NSMCE2: variants seen among roughly 807,000 people sequenced by gnomAD.
The protein encoded by NSMCE2 is E3 SUMO-protein ligase NSE2.
A neutral mutation model predicts 23.8 loss-of-function variants in NSMCE2; 24 were observed. The ratio of observed to expected loss-of-function variants is 1.01; its 90% CI spans 0.73 to 1.42. NSMCE2 has a LOEUF of 1.42. NSMCE2 is among the 40% of genes most tolerant of loss of function. The pLI is 0.00. For missense variants in NSMCE2, 284 were observed against 296.5 expected (o/e 0.96, Z 0.31); for synonymous variants, 92 against 94.1 (o/e 0.98, Z 0.13).
rs539364875 is a variant in NSMCE2 at position 125,314,685 on chromosome 8, G to A, written c.419-42534G>A. On this transcript the variant is annotated intron_variant, in intron 5 of 7. Transcript: ENST00000287437. ...AATATTTTTTCACACCTCTGGAAGT[G>A]GAGCTGTGATCCTGCCAGTAGCTTT... Among the ~76,000 whole-genome samples the A allele has an allele frequency of 1.4e-3, 220 of 152,370 alleles. 1 individual carries two copies. Among genetic ancestry groups the A allele is most frequent in the African/African-American group, 5.1e-3 (210 of 41,580 alleles).
At chr8:125,247,785 A>G (rs1282892289) in intron 5 of NSMCE2, among the ~76,000 whole-genome samples, 1 of 152,192 alleles carries the variant, frequency 6.6e-6, no homozygotes, top group Non-Finnish European at 1.5e-5. Context: ...AGAAAAATCC[A>G]TAAAATGGTA....
intron 5 of NSMCE2, among the ~76,000 whole-genome samples, chr8:125,328,245 A>T (rs1206858290): frequency 6.6e-6 from 1 of 151,454 alleles, no homozygotes; most frequent in Non-Finnish European, 1.5e-5. Context: ...AACTTGATGT[A>T]TGAATCTTCA....
intron 4 of NSMCE2, among the ~76,000 whole-genome samples, chr8:125,163,029 T>G (rs943982740): frequency 6.6e-6 from 1 of 152,138 alleles, no homozygotes. Flanking sequence ...ATACTTAAAG[T>G]TGAATATCTG....
At chr8:125,093,882 G>A (rs902633696) in intron 1 of NSMCE2, among the ~76,000 whole-genome samples, 20 of 152,000 alleles carry the variant, frequency 1.3e-4, no homozygotes, top group Non-Finnish European at 2.9e-4. Context: ...CTGCAGCCTT[G>A]GACTCCTGGA....
chr8:125,350,072 C>T (rs1264868736), intron 5 of NSMCE2, among the ~76,000 whole-genome samples: 1 of 152,196 alleles, frequency 6.6e-6, no homozygotes, highest in Non-Finnish European at 1.5e-5. Context: ...TGAACACCTA[C>T]TACCCTATGC....
chr8:125,224,178 T>C (rs1217631611), intron 5 of NSMCE2, among the ~76,000 whole-genome samples: 8 of 152,186 alleles, frequency 5.3e-5, no homozygotes, highest in African/African-American at 1.9e-4. Flanking sequence ...TCTTGCTATT[T>C]AGTTGTTTGA....
At chr8:125,333,505 CTTTTTTT>C (rs71295847) in intron 5 of NSMCE2, among the ~76,000 whole-genome samples, 1 of 45,628 alleles carries the variant, frequency 2.2e-5, no homozygotes, top group African/African-American at 9.4e-5. Flanking sequence ...CCTGGTGGTT[CTTTTTTT>C]TTTTTTTTTT....
At chr8:125,210,795 A>C (rs1239386531) in intron 5 of NSMCE2, among the ~76,000 whole-genome samples, 1 of 152,016 alleles carries the variant, frequency 6.6e-6, no homozygotes, top group Non-Finnish European at 1.5e-5. Context: ...CTCACTGCTC[A>C]CTGCAACCTC....
intron 5 of NSMCE2, among the ~76,000 whole-genome samples, chr8:125,247,560 A>T (rs902776114): frequency 6.6e-6 from 1 of 152,130 alleles, no homozygotes; most frequent in Non-Finnish European, 1.5e-5. Context: ...CCCCGTCTCC[A>T]CTGAAAATAT....
At chr8:125,258,937 T>C (rs1482492644) in intron 5 of NSMCE2, among the ~76,000 whole-genome samples, 2 of 152,120 alleles carry the variant, frequency 1.3e-5, no homozygotes, top group Non-Finnish European at 1.5e-5. Context: ...AGTTTTGCTC[T>C]TGTTGCCCAG....
intron 4 of NSMCE2, among the ~76,000 whole-genome samples, chr8:125,178,049 G>A (rs945920917): frequency 6.6e-6 from 1 of 152,182 alleles, no homozygotes; most frequent in African/African-American, 2.4e-5. Flanking sequence ...CAGCATCCCA[G>A]TTGCCAGCCC....
intron 3 of NSMCE2, among the ~76,000 whole-genome samples, chr8:125,139,393 A>C (rs1319605497): frequency 6.6e-6 from 1 of 152,172 alleles, no homozygotes; most frequent in East Asian, 1.9e-4. Flanking sequence ...TTAATATAGT[A>C]TGTGTTGTCT....
Position 125,217,351 on chromosome 8 carries a change from ATTT to A in NSMCE2, c.418+35096_418+35098del, listed in dbSNP as rs1008388270. Among the ~76,000 whole-genome samples, 26 of 150,000 alleles carry A rather than the reference ATTT, an allele frequency of 1.7e-4. 1 individual carries two copies. The South Asian group carries it at 5.0e-3, about 29-fold the overall frequency. ...TTTAAAAAATTTTATTTATTTATTT[ATTT>A]ATTTATTTTTTATTTATTTATTTTG... On this transcript the variant is annotated intron_variant, in intron 5 of 7. Transcript: ENST00000287437.
chr8:125,223,328 A>G (rs377005100), intron 5 of NSMCE2, among the ~76,000 whole-genome samples: 88 of 152,342 alleles, frequency 5.8e-4, no homozygotes, highest in African/African-American at 2.0e-3. Context: ...ACTGCACTCC[A>G]GCCTGGGCAA....
intron 5 of NSMCE2, among the ~76,000 whole-genome samples, chr8:125,299,763 T>C (rs1828476742): frequency 1.3e-5 from 2 of 151,900 alleles, no homozygotes; most frequent in Admixed American, 1.3e-4. Context: ...TGCCATGTAG[T>C]TTGAAGACTA....
intron 5 of NSMCE2, among the ~76,000 whole-genome samples, chr8:125,252,853 G>A (rs1206903100): frequency 2.0e-5 from 3 of 152,356 alleles, no homozygotes; most frequent in African/African-American, 7.2e-5. Flanking sequence ...AGTTAAGAGC[G>A]CAAGCTCCGG....
At chr8:125,250,939 T>C (rs1318308890) in intron 5 of NSMCE2, among the ~76,000 whole-genome samples, 1 of 152,248 alleles carries the variant, frequency 6.6e-6, no homozygotes, top group African/African-American at 2.4e-5. Context: ...ACTAAATCTT[T>C]ACTAGGTGAC....
chr8:125,172,013 ACT>A lies in NSMCE2; in HGVS notation c.265-10087_265-10086del, dbSNP rs1451769252. ...ACCATGTTGGCTACTGTATTTTAAA[ACT>A]CTAAATTCTTTACCTACATTAATTC... is the stretch of plus-strand genomic sequence containing the variant. On this transcript the variant is annotated intron_variant, in intron 4 of 7. Transcript: ENST00000287437. 2.6e-5 allele frequency among the ~76,000 whole-genome samples: 4 copies of A among 151,980 alleles called. No individual in the cohort carries two copies. In the South Asian group the frequency reaches 6.2e-4, roughly 24 times the overall value.
intron 4 of NSMCE2, among the ~76,000 whole-genome samples, chr8:125,165,553 A>G (rs1821834881): frequency 1.3e-5 from 2 of 152,222 alleles, no homozygotes. Context: ...TGCAACATGT[A>G]ATAGTATTAT....
Sources: allele counts gnomAD v4.1 joint callset (sites outside exome capture counted in the v4.1 genomes callset), GRCh38; gene constraint gnomAD v4.1.1; transcripts MANE v1.5; gene names NCBI Gene and HGNC (gene_info 2026-07-23, HGNC 2026-07-21).